Variants in ARMH3 observed in about 807,000 individuals in gnomAD.
ARMH3 encodes armadillo-like helical domain-containing protein 3.
A neutral mutation model predicts 99.1 loss-of-function variants in ARMH3; 60 were observed. That is an observed-to-expected ratio of 0.61 (90% confidence interval 0.49 to 0.75). The LOEUF is 0.75. Among genes scored for constraint, ARMH3 ranks in the 30% least tolerant of loss-of-function variants. The pLI, the probability that ARMH3 is intolerant of heterozygous loss-of-function variation, is 0.00. For missense variants in ARMH3, 679 were observed against 843.1 expected (o/e 0.81, Z 2.41); for synonymous variants, 285 against 292.8 (o/e 0.97, Z 0.27).
chr10:101,976,705 T>A (rs952389960), intron 19 of ARMH3, among the ~76,000 whole-genome samples: 1 of 152,144 alleles, frequency 6.6e-6, no homozygotes, highest in African/African-American at 2.4e-5. Flanking sequence ...ATATATAATT[T>A]AAGATACCAG....
At chr10:101,973,294 G>A (rs974220172) in intron 20 of ARMH3, among the ~76,000 whole-genome samples, 11 of 150,762 alleles carry the variant, frequency 7.3e-5, no homozygotes, top group African/African-American at 9.8e-5. Context: ...CCCGGGAGGC[G>A]GAGCTTGCAG....
At chr10:101,917,192 C>A (rs972714767) in intron 23 of ARMH3, among the ~76,000 whole-genome samples, 2 of 152,186 alleles carry the variant, frequency 1.3e-5, no homozygotes, top group South Asian at 4.1e-4. Context: ...ATAATCACCA[C>A]CACAGTCAAG....
intron 23 of ARMH3, among the ~76,000 whole-genome samples, chr10:101,936,320 C>G (rs1843972812): frequency 6.6e-6 from 1 of 151,654 alleles, no homozygotes; most frequent in Non-Finnish European, 1.5e-5. Context: ...GGTGAAACCC[C>G]ATCTCTACTA....
At chr10:102,034,544 G>A (rs902356694) in intron 2 of ARMH3, among the ~76,000 whole-genome samples, 12 of 151,774 alleles carry the variant, frequency 7.9e-5, no homozygotes, top group African/African-American at 2.9e-4. Flanking sequence ...GCTGAGGCAG[G>A]AGAATGGCGT....
intron 23 of ARMH3, among the ~76,000 whole-genome samples, chr10:101,909,369 T>A (rs190881456): frequency 4.7e-4 from 68 of 143,862 alleles, no homozygotes; most frequent in Middle Eastern, 3.6e-3. Flanking sequence ...ATTGCACCAC[T>A]GCACTCCAGC....
At chr10:102,048,043 TAATTCTGATGACCATTA>T (rs2067601167) in intron 1 of ARMH3, among the ~76,000 whole-genome samples, 1 of 152,188 alleles carries the variant, frequency 6.6e-6, no homozygotes, top group African/African-American at 2.4e-5. Flanking sequence ...CTGCCCCAAG[TAATTCTGATGACCATTA>T]AAGTTTGAGA....
At chr10:101,958,953 C>T (rs1845162209) in intron 20 of ARMH3, among the ~76,000 whole-genome samples, 1 of 152,198 alleles carries the variant, frequency 6.6e-6, no homozygotes, top group Non-Finnish European at 1.5e-5. Context: ...GCTTCACCCA[C>T]ATTCTGTTTC....
chr10:101,975,415 T>TA, intron 19 of ARMH3, 115 bp from the exon 20 acceptor site: 1 of 675,948 alleles, frequency 1.5e-6, no homozygotes, highest in African/African-American at 1.8e-5. Context: ...TGGATATGAA[T>TA]ATGTATACAT....
intron 24 of ARMH3, among the ~76,000 whole-genome samples, chr10:101,886,819 T>C (rs1260775704): frequency 1.3e-5 from 2 of 152,188 alleles, no homozygotes; most frequent in African/African-American, 2.4e-5. Context: ...CATAGGAAAG[T>C]GCCCTGTCTT....
At chr10:101,934,473 A>G (rs528431531) in intron 23 of ARMH3, among the ~76,000 whole-genome samples, 1 of 152,326 alleles carries the variant, frequency 6.6e-6, no homozygotes, top group South Asian at 2.1e-4. Context: ...AATCATAACA[A>G]TATCTGAAAA....
intron 22 of ARMH3, among the ~76,000 whole-genome samples, chr10:101,950,318 C>A (rs904370268): frequency 2.6e-5 from 4 of 152,120 alleles, no homozygotes; most frequent in Admixed American, 2.6e-4. Flanking sequence ...GATTAAAAAT[C>A]AGCATTGTTT....
intron 23 of ARMH3, among the ~76,000 whole-genome samples, chr10:101,910,476 T>TC (rs1842817362): frequency 6.6e-6 from 1 of 152,174 alleles, no homozygotes; most frequent in South Asian, 2.1e-4. Flanking sequence ...ATGCCTGTAA[T>TC]CCCAGCATTT....
At chr10:101,974,593 C>T (rs1317863716) in intron 20 of ARMH3, among the ~76,000 whole-genome samples, 1 of 152,168 alleles carries the variant, frequency 6.6e-6, no homozygotes, top group East Asian at 1.9e-4. Context: ...GCACTTCCCC[C>T]CTGCAGGGGT....
intron 22 of ARMH3, among the ~76,000 whole-genome samples, chr10:101,953,528 C>A (rs1170554457): frequency 6.7e-6 from 1 of 149,044 alleles, no homozygotes; most frequent in East Asian, 2.0e-4. Context: ...CAAACGTCAG[C>A]CACCGTGCCC....
chr10:101,906,797 C>G (rs1361582118), intron 23 of ARMH3, among the ~76,000 whole-genome samples: 1 of 152,156 alleles, frequency 6.6e-6, no homozygotes, highest in Non-Finnish European at 1.5e-5. Context: ...AGAGGCAAGA[C>G]CATGCTGGTA....
In ARMH3 at chr10:102,054,879, C is replaced by T. The variant is rs931843084; in HGVS notation, c.-12+1206G>A. On this transcript the variant is annotated intron_variant, in intron 1 of 25. Transcript: ENST00000370033. ...GGCGTGGTAGCTCACGTCTGTAATC[C>T]CAGCTGCTTGGGGGGCTGACGGGGA... Among the ~76,000 whole-genome samples the T allele has an allele frequency of 1.8e-4, 27 of 151,006 alleles. 1 individual carries two copies. Among genetic ancestry groups the T allele is most frequent in the Non-Finnish European group, 5.9e-5 (4 of 67,836 alleles).
chr10:101,916,237 T>C (rs147232307), intron 23 of ARMH3, among the ~76,000 whole-genome samples: 1 of 152,318 alleles, frequency 6.6e-6, no homozygotes, highest in Non-Finnish European at 1.5e-5. Flanking sequence ...AAATGATCTA[T>C]GTCTGATGGC....
intron 8 of ARMH3, among the ~76,000 whole-genome samples, chr10:102,020,564 T>C (rs972265867): frequency 2.6e-4 from 40 of 151,346 alleles, no homozygotes; most frequent in African/African-American, 9.5e-4. Flanking sequence ...CGGGCGCCTG[T>C]AGTCCCAGCT....
chr10:102,046,048 T>A (rs139965762), intron 1 of ARMH3, among the ~76,000 whole-genome samples: 6,570 of 151,968 alleles, frequency 0.043, 205 homozygotes, highest in Admixed American at 0.074. Flanking sequence ...TGAGACGAGA[T>A]CGCACCATTG....
Sources: allele counts gnomAD v4.1 joint callset (sites outside exome capture counted in the v4.1 genomes callset), GRCh38; gene constraint gnomAD v4.1.1; transcripts MANE v1.5; gene names NCBI Gene and HGNC (gene_info 2026-07-23, HGNC 2026-07-21).